Variants in CUL4A observed in about 807,000 individuals in gnomAD.
CUL4A encodes cullin 4A.
CUL4A carries 16 observed loss-of-function variants against 95.5 expected under a neutral mutation model. That is an observed-to-expected ratio of 0.17 (90% CI 0.11 to 0.25). The LOEUF is 0.25. CUL4A is among the 10% of genes least tolerant of loss of function. CUL4A has a pLI of 1.00. For missense variants in CUL4A, 610 were observed against 937.0 expected (o/e 0.65, Z 4.56); for synonymous variants, 380 against 353.1 (o/e 1.08, Z -0.85).
intron 5 of CUL4A, among the ~76,000 whole-genome samples, chr13:113,231,218 C>A (rs188264375): frequency 6.6e-6 from 1 of 152,154 alleles, no homozygotes; most frequent in African/African-American, 2.4e-5. Flanking sequence ...CAAGAAGAAT[C>A]CTGGTTGAGG....
intron 9 of CUL4A, among the ~76,000 whole-genome samples, chr13:113,238,561 A>G (rs990114476): frequency 2.0e-5 from 3 of 152,220 alleles, no homozygotes; most frequent in African/African-American, 7.2e-5. Flanking sequence ...CTTACCCTAA[A>G]TTTTATTAGA....
intron 3 of CUL4A, among the ~76,000 whole-genome samples, chr13:113,227,709 GC>G (rs2041157365): frequency 6.6e-6 from 1 of 152,066 alleles, no homozygotes; most frequent in Admixed American, 6.5e-5. Context: ...TTCGAGATCA[GC>G]CTGACCAACA....
chr13:113,211,901 C>T lies in CUL4A; in HGVS notation c.264+1813C>T, dbSNP rs187519188. On this transcript the variant is annotated intron_variant, in intron 2 of 19. Transcript: ENST00000375440. ...CTCTCCCAGCAGTGTATGGGAGCTC[C>T]GGTTCCACTCCGCCACCAGCGTGTG... 2.8e-3 allele frequency among the ~76,000 whole-genome samples: 419 copies of T among 152,130 alleles called. 2 individuals carry two copies. Among genetic ancestry groups the T allele is most frequent in the Admixed American group, 6.8e-3 (104 of 15,296 alleles).
In CUL4A at chr13:113,265,472, C is replaced by T. The variant is rs1419768193; in HGVS notation, c.*1890C>T. ...GTGCAATCTCAGCTCACTGCACCCTCCGCCTCCTGGGTTCAAGCAGTTCTC... is the reference window on the plus strand; with the variant it reads ...GTGCAATCTCAGCTCACTGCACCCTTCGCCTCCTGGGTTCAAGCAGTTCTC... On this transcript the variant is annotated 3_prime_UTR_variant, in exon 20 of 20. Coordinates refer to ENST00000375440, the MANE Select transcript of CUL4A (RefSeq NM_001008895.4). 1.3e-5 allele frequency: 2 copies of T among 152,450 alleles called. No homozygotes were observed. Among genetic ancestry groups the T allele is most frequent in the East Asian group, 3.9e-4 (2 of 5,192 alleles). 9.4% of individuals were successfully genotyped at this position (152,450 alleles called of 1,614,324 possible).
chr13:113,244,690 C>A (rs3932499), intron 12 of CUL4A, among the ~76,000 whole-genome samples, 176 bp downstream of exon 12: 140,083 of 152,182 alleles, frequency 0.92, 65,569 homozygotes, highest in East Asian at 1. Flanking sequence ...AAATACAAAA[C>A]ATTAGCCAGG....
intron 10 of CUL4A, 44 bp from the exon 11 acceptor site, chr13:113,242,924 T>G (rs944829788): frequency 2.7e-6 from 4 of 1,469,128 alleles, no homozygotes; most frequent in Non-Finnish European, 2.8e-6. Context: ...TACTGTTTGC[T>G]ATTGTAAACA....
chr13:113,266,520 TAAAAC>T lies in CUL4A; in HGVS notation c.*2940_*2944del, dbSNP rs1212327465. The T allele has an allele frequency of 1.3e-5, 2 of 152,246 alleles. No individual in the cohort carries two copies. The highest frequency in any genetic ancestry group is 4.8e-5 in the African/African-American group (2 of 41,470). The allele number at this position is 152,246 out of a possible 1,614,324, so 9.4% of individuals were successfully genotyped here. Reference sequence around the variant, plus strand: ...TTAAAACACAAGCGGATTCTAAAGTTAAAACAGAAAAGCAAATATGCCAGACTAGT... The same window carrying T: ...TTAAAACACAAGCGGATTCTAAAGTTAGAAAAGCAAATATGCCAGACTAGT... On this transcript the variant is annotated 3_prime_UTR_variant, in exon 20 of 20. Transcript: ENST00000375440.
chr13:113,225,036 T>G (rs1177644819), intron 3 of CUL4A, among the ~76,000 whole-genome samples: 1 of 152,180 alleles, frequency 6.6e-6, no homozygotes, highest in Non-Finnish European at 1.5e-5. Context: ...TTTTGCTTTT[T>G]CTTTTTTTTT....
intron 18 of CUL4A, among the ~76,000 whole-genome samples, chr13:113,258,418 T>G (rs2042188479): frequency 6.6e-6 from 1 of 152,242 alleles, no homozygotes; most frequent in Admixed American, 6.5e-5. Context: ...TTGCATTAAT[T>G]TACAGAGCTT....
At chr13:113,258,157 A>T (rs73581034) in intron 18 of CUL4A, among the ~76,000 whole-genome samples, 27,813 of 151,820 alleles carry the variant, frequency 0.18, 2,729 homozygotes, top group East Asian at 0.39. Context: ...GCCCAGCTAA[A>T]TTTTTGTATT....
intron 18 of CUL4A, among the ~76,000 whole-genome samples, chr13:113,256,339 A>G (rs2042119586): frequency 1.3e-5 from 2 of 152,176 alleles, no homozygotes; most frequent in Non-Finnish European, 2.9e-5. Context: ...ACATTCCTCC[A>G]CTGCCCCTCC....
chr13:113,211,967 G>A (rs563542219), intron 2 of CUL4A, among the ~76,000 whole-genome samples: 1 of 152,112 alleles, frequency 6.6e-6, no homozygotes, highest in African/African-American at 2.4e-5. Flanking sequence ...GTTCCACTCC[G>A]CCACCAGCGT....
rs1048938122 is a variant in CUL4A at position 113,266,907 on chromosome 13, GT to G, written c.*3326del. ...ATTGTATAAATTTATAGAGTATAAA[GT>G]GATCTTATAAATTATGCATACATTG... On this transcript the variant is annotated 3_prime_UTR_variant, in exon 20 of 20. Coordinates refer to ENST00000375440, the MANE Select transcript of CUL4A (RefSeq NM_001008895.4). The G allele has an allele frequency of 1.3e-4, 20 of 152,242 alleles. No individual in the cohort carries two copies. The highest frequency in any genetic ancestry group is 4.1e-4 in the African/African-American group (17 of 41,524). The allele number at this position is 152,242 out of a possible 1,614,324, so 9.4% of individuals were successfully genotyped here. A position where few individuals can be genotyped will look rare whatever the true frequency, so the allele number is the denominator to read the frequency against.
intron 4 of CUL4A, among the ~76,000 whole-genome samples, chr13:113,229,043 G>T (rs1188395289): frequency 6.6e-6 from 1 of 152,086 alleles, no homozygotes; most frequent in African/African-American, 2.4e-5. Flanking sequence ...CAGGAGAATG[G>T]TGTGAACCCA....
At position 113,260,630 on chromosome 13, in the gene CUL4A, T is replaced by C; in HGVS notation, c.2055T>C (p.Thr685=). Residue 685 remains threonine, a synonymous_variant, in exon 19 of 20, where the codon ACT becomes ACC. Transcript: ENST00000375440. ...KETVEEQVST[T]ERVFQDRQYQ... ...AGGTTGAGGAACAGGTTAGCACCAC[T>C]GAGAGAGTGTTTCAGGATAGACAAT... 6.2e-7 allele frequency: 1 copy of C among 1,611,854 alleles called. No homozygotes were observed. Among genetic ancestry groups the C allele is most frequent in the Non-Finnish European group, 8.5e-7 (1 of 1,179,352 alleles).
intron 2 of CUL4A, 39 bp downstream of exon 2, chr13:113,210,127 C>T (rs766770490): frequency 1.9e-4 from 262 of 1,359,950 alleles, no homozygotes; most frequent in Non-Finnish European, 3.7e-5. Flanking sequence ...CGCTCCTGCC[C>T]CGCGTGACGC....
intron 2 of CUL4A, among the ~76,000 whole-genome samples, chr13:113,215,464 C>T (rs1249910786): frequency 7.3e-6 from 1 of 136,280 alleles, no homozygotes; most frequent in Non-Finnish European, 1.5e-5. Context: ...TACTGTGTGC[C>T]TATGGAGGTC....
chr13:113,227,844 G>A (rs1252042369), intron 3 of CUL4A, 132 bp from the exon 4 acceptor site: 4 of 518,274 alleles, frequency 7.7e-6, no homozygotes, highest in Non-Finnish European at 1.4e-5. Flanking sequence ...GGCAGAGGCT[G>A]CACTGCTGAG....
rs951070829 is a variant in CUL4A, at chr13:113,256,926, G to GTTTTTTTTTTTTTTTTT, written c.2031+1808_2031+1824dup. On this transcript the variant is annotated intron_variant, in intron 18 of 19. Coordinates refer to ENST00000375440, the MANE Select transcript of CUL4A (RefSeq NM_001008895.4). ...AATGCTTTGTCCCTTTTTTTTTTTC[G>GTTTTTTTTTTTTTTTTT]TTTTTTTTTTTTTTTTTTTTTTTGC... Among the ~76,000 whole-genome samples the GTTTTTTTTTTTTTTTTT allele has an allele frequency of 8.7e-4, 41 of 47,386 alleles. 4 individuals carry two copies. Among genetic ancestry groups the GTTTTTTTTTTTTTTTTT allele is most frequent in the Admixed American group, 1.8e-3 (5 of 2,838 alleles). The allele number at this position is 47,386 out of a possible 152,430, so 31.1% of individuals were successfully genotyped here.
Sources: gnomAD v4.1 joint callset for allele counts (sites outside exome capture counted in the v4.1 genomes callset) on GRCh38, gnomAD v4.1.1 for gene constraint, MANE v1.5 for transcripts, NCBI Gene and HGNC (gene_info 2026-07-23, HGNC 2026-07-21) for gene names.